Variants in ADNP2 observed in about 807,000 individuals in gnomAD.
The protein encoded by ADNP2 is ADNP homeobox 2.
ADNP2 carries 8 observed loss-of-function variants against 16.4 expected under a neutral mutation model. The observed-to-expected ratio is 0.49, with a 90% CI of 0.29 to 0.88. The LOEUF is 0.88. Among genes scored for constraint, ADNP2 ranks in the 40% least tolerant of loss-of-function variants. ADNP2 has a pLI of 0.09. For missense variants in ADNP2, 1,397 were observed against 1,395.1 expected, an observed-to-expected ratio of 1.00 and a Z score of -0.02; for synonymous variants, 637 against 545.8, an observed-to-expected ratio of 1.17 and a Z score of -2.33.
At chr18:80,120,195 A>G (rs1051483508) in intron 2 of ADNP2, among the ~76,000 whole-genome samples, 7 of 152,292 alleles carry the variant, frequency 4.6e-5, no homozygotes, top group Middle Eastern at 3.4e-3. Context: ...CACTTTTATA[A>G]TATAAAACAC....
chr18:80,132,613 CTCTTTCTTTTTT>C (rs2052504060), intron 2 of ADNP2, among the ~76,000 whole-genome samples: 1 of 151,618 alleles, frequency 6.6e-6, no homozygotes, highest in Non-Finnish European at 1.5e-5. Flanking sequence ...CTTTCTCTTT[CTCTTTCTTTTTT>C]CTCTTTCTCT....
chr18:80,128,257 A>G (rs964015817), intron 2 of ADNP2, among the ~76,000 whole-genome samples: 9 of 151,984 alleles, frequency 5.9e-5, no homozygotes, highest in Admixed American at 1.3e-4. Flanking sequence ...TTTGTTTCAG[A>G]TATGTTTGCT....
rs1040247374 is a variant in ADNP2 at position 80,134,984 on chromosome 18, T to C, written c.199-628T>C. 2.2e-4 allele frequency among the ~76,000 whole-genome samples: 33 copies of C among 152,124 alleles called. 1 individual carries two copies. Among genetic ancestry groups the C allele is most frequent in the Non-Finnish European group, 8.8e-5 (6 of 68,010 alleles). On this transcript the variant is annotated intron_variant, in intron 3 of 3. Transcript: ENST00000262198. ...GTTAGTTATGGATAAATTCCAGAGGTTTTAGAATTTGGAGCAAAAACAACA... is the reference window on the plus strand; with the variant it reads ...GTTAGTTATGGATAAATTCCAGAGGCTTTAGAATTTGGAGCAAAAACAACA...
chr18:80,122,731 G>A (rs898178581), intron 2 of ADNP2, among the ~76,000 whole-genome samples: 7 of 152,138 alleles, frequency 4.6e-5, no homozygotes, highest in African/African-American at 1.4e-4. Flanking sequence ...GATTCTTTGG[G>A]ATTTTCTATA....
Position 80,135,838 on chromosome 18 carries a change from T to C in ADNP2, c.425T>C (p.Leu142Ser), listed in dbSNP as rs1202867627. The C allele has an allele frequency of 8.7e-6, 14 of 1,614,124 alleles. No individual in the cohort carries two copies. The Admixed American group carries it at 1.2e-4, about 13-fold the overall frequency. The change falls in exon 4 of 4, where the codon TTA becomes TCA. Residue 142 changes from leucine to serine, a missense_variant. Physicochemically the swap from Leu to Ser is moderately radical, Grantham distance 145 (BLOSUM62 -2). Around this residue, in one of 3 missense-constraint regions of ADNP2, gnomAD observed 777 missense variants for 719.4 expected, o/e 1.08. Coordinates refer to ENST00000262198, the MANE Select transcript of ADNP2 (RefSeq NM_014913.4). ...RKVQNYTVNI[L>S]GETKSSRSDV... Reference sequence around the variant, plus strand: ...GTCCAGAACTACACAGTGAATATTTTAGGTGAAACTAAATCATCTAGGAGC... The same window carrying C: ...GTCCAGAACTACACAGTGAATATTTCAGGTGAAACTAAATCATCTAGGAGC...
At chr18:80,125,291 A>G (rs2052450731) in intron 2 of ADNP2, among the ~76,000 whole-genome samples, 1 of 152,122 alleles carries the variant, frequency 6.6e-6, no homozygotes, top group Admixed American at 6.5e-5. Flanking sequence ...AAGTGGGAGT[A>G]TTGCTTGAGG....
intron 2 of ADNP2, among the ~76,000 whole-genome samples, chr18:80,129,535 T>C (rs777157234): frequency 1.3e-5 from 2 of 152,162 alleles, no homozygotes; most frequent in Non-Finnish European, 2.9e-5. Flanking sequence ...GAGATGCCCC[T>C]CCTTCCAGAT....
chr18:80,140,088 C>T lies in ADNP2; in HGVS notation c.*1279C>T, dbSNP rs900275483. 9 of 152,142 alleles carry T rather than the reference C, an allele frequency of 5.9e-5. No individual in the cohort carries two copies. Among genetic ancestry groups the T allele is most frequent in the African/African-American group, 2.2e-4 (9 of 41,420 alleles). 9.4% of individuals were successfully genotyped at this position (152,142 alleles called of 1,614,324 possible). On this transcript the variant is annotated 3_prime_UTR_variant, in exon 4 of 4. Coordinates refer to ENST00000262198, the MANE Select transcript of ADNP2 (RefSeq NM_014913.4). ...CTGGTGGTACACAGCAGAGGAACCC[C>T]TTCACTCTATCTTTAGGTAGAAATA...
rs758469803 is a variant in ADNP2 at position 80,136,880 on chromosome 18, G to A, written c.1467G>A (p.Val489=). 3 of 1,614,106 alleles carry A rather than the reference G, an allele frequency of 1.9e-6. No individual in the cohort carries two copies. The Admixed American group carries it at 5.0e-5, about 27-fold the overall frequency. Residue 489 remains valine, a synonymous_variant, in exon 4 of 4, where the codon GTG becomes GTA. Coordinates refer to ENST00000262198, the MANE Select transcript of ADNP2 (RefSeq NM_014913.4). ...GQMVQSGVLP[V]GQTAPSRVLP... Reference sequence around the variant, plus strand: ...TGGTCCAGTCAGGAGTTCTCCCTGTGGGCCAGACAGCTCCGTCACGGGTTC... The same window carrying A: ...TGGTCCAGTCAGGAGTTCTCCCTGTAGGCCAGACAGCTCCGTCACGGGTTC...
chr18:80,136,250 T>A lies in ADNP2; in HGVS notation c.837T>A (p.Asn279Lys). ...KPAAHLAAPA[N>K]GSAPSAPAQP... ...CAGCACATTTGGCTGCACCAGCAAA[T>A]GGCAGTGCTCCAAGCGCTCCAGCGC... Residue 279 changes from asparagine to lysine, a missense_variant, in exon 4 of 4, where the codon AAT becomes AAA. Around this residue, in one of 3 missense-constraint regions of ADNP2, gnomAD observed 777 missense variants for 719.4 expected, o/e 1.08. Coordinates refer to ENST00000262198, the MANE Select transcript of ADNP2 (RefSeq NM_014913.4). 6.2e-7 allele frequency: 1 copy of A among 1,614,226 alleles called. No homozygotes were observed. Among genetic ancestry groups the A allele is most frequent in the South Asian group, 1.1e-5 (1 of 91,092 alleles).
At chr18:80,126,662 T>A (rs1302700980) in intron 2 of ADNP2, among the ~76,000 whole-genome samples, 1 of 152,238 alleles carries the variant, frequency 6.6e-6, no homozygotes, top group Non-Finnish European at 1.5e-5. Context: ...TTGACTATAA[T>A]GTGCCTTGGT....
At chr18:80,126,387 C>T (rs906064804) in intron 2 of ADNP2, among the ~76,000 whole-genome samples, 3 of 152,070 alleles carry the variant, frequency 2.0e-5, no homozygotes, top group Admixed American at 6.6e-5. Context: ...CATCCCTTTG[C>T]GTAGATGTGT....
At chr18:80,122,108 C>A (rs184214410) in intron 2 of ADNP2, among the ~76,000 whole-genome samples, 1 of 152,084 alleles carries the variant, frequency 6.6e-6, no homozygotes, top group East Asian at 1.9e-4. Flanking sequence ...TTAGTAGAGA[C>A]GGGGTTTTGT....
intron 2 of ADNP2, among the ~76,000 whole-genome samples, chr18:80,121,890 CTA>C (rs1359546434): frequency 6.6e-6 from 1 of 151,800 alleles, no homozygotes; most frequent in Non-Finnish European, 1.5e-5. Context: ...TTCCATTGAT[CTA>C]TATGTCTATC....
chr18:80,109,728 G>C (rs1399465282), intron 1 of ADNP2: 1 of 150,734 alleles, frequency 6.6e-6, no homozygotes, highest in Non-Finnish European at 1.5e-5. Context: ...CGCCGGTCAC[G>C]TGGGAGCGGG....
chr18:80,139,619 G>C lies in ADNP2; in HGVS notation c.*810G>C, dbSNP rs2052567947. 6.6e-6 allele frequency: 1 copy of C among 152,350 alleles called. No individual in the cohort carries two copies. Among genetic ancestry groups the C allele is most frequent in the African/African-American group, 2.4e-5 (1 of 41,332 alleles). 9.4% of individuals were successfully genotyped at this position (152,350 alleles called of 1,614,324 possible). On this transcript the variant is annotated 3_prime_UTR_variant, in exon 4 of 4. Transcript: ENST00000262198. ...TCAGAGGTAAAACAATAAATTTTTA[G>C]TGCCTTTAGAATAAACATTGAAAGA... is the stretch of plus-strand genomic sequence containing the variant.
intron 2 of ADNP2, among the ~76,000 whole-genome samples, chr18:80,120,170 T>C (rs890059480): frequency 4.6e-5 from 7 of 152,206 alleles, no homozygotes; most frequent in African/African-American, 1.4e-4. Flanking sequence ...ATATGCTCCA[T>C]GTCCCATCAG....
intron 2 of ADNP2, among the ~76,000 whole-genome samples, chr18:80,123,692 C>T (rs912113364): frequency 6.6e-6 from 1 of 151,218 alleles, no homozygotes; most frequent in Admixed American, 6.6e-5. Context: ...TTTTTTGTGG[C>T]GAGTTTGAGA....
intron 2 of ADNP2, among the ~76,000 whole-genome samples, chr18:80,130,020 GTAGT>G (rs1169210450): frequency 4.6e-5 from 7 of 152,330 alleles, no homozygotes; most frequent in Non-Finnish European, 1.0e-4. Context: ...TTCAAAGTGA[GTAGT>G]TAGTTAACCT....
Sources: allele counts gnomAD v4.1 joint callset (sites outside exome capture counted in the v4.1 genomes callset), GRCh38; gene constraint gnomAD v4.1.1; regional missense constraint gnomAD v4.1.1; transcripts MANE v1.5; gene names NCBI Gene and HGNC (gene_info 2026-07-23, HGNC 2026-07-21).